The following PCDHGB3 variants were observed in gnomAD, a reference collection of about 807,000 sequenced individuals.
PCDHGB3 encodes the protein protocadherin gamma-B3.
In PCDHGB3, 40 loss-of-function variants were observed where a neutral mutation model predicts 59.2. That is an observed-to-expected ratio of 0.68 (90% CI 0.52 to 0.88). The LOEUF is 0.88. PCDHGB3 is among the 40% of genes least tolerant of loss of function. The pLI is 0.00. For synonymous variants in PCDHGB3, 581 were observed against 503.6 expected (o/e 1.15, Z -2.06); for missense variants, 1,309 against 1,187.9 (o/e 1.10, Z -1.50).
intron 2 of PCDHGB3, among the ~76,000 whole-genome samples, chr5:141,497,016 C>G (rs1384415729): frequency 6.6e-6 from 1 of 152,056 alleles, no homozygotes; most frequent in East Asian, 1.9e-4. Context: ...TGGTGAAACC[C>G]CATCTCGATT....
intron 1 of PCDHGB3, among the ~76,000 whole-genome samples, chr5:141,464,454 A>G (rs999305559): frequency 6.6e-6 from 1 of 151,542 alleles, no homozygotes; most frequent in Non-Finnish European, 1.5e-5. Context: ...TGTTGTTGTT[A>G]TTTTTGAAGT....
At chr5:141,395,264 A>G in intron 1 of PCDHGB3, 1 of 1,549,832 alleles carries the variant, frequency 6.5e-7, no homozygotes, top group Non-Finnish European at 8.7e-7. Flanking sequence ...GCTTGCTTTT[A>G]ATTTCCAGAT....
chr5:141,427,776 G>A (rs3828681), intron 1 of PCDHGB3: 73,622 of 1,424,156 alleles, frequency 0.052, 2,339 homozygotes, highest in African/African-American at 0.13. Flanking sequence ...GGAGCTGCGG[G>A]CACTGTCGTC....
Position 141,432,248 on chromosome 5 carries a change from C to T in PCDHGB3, c.2415+59439C>T. Reference sequence around the variant, plus strand: ...TTATTCCCTGGCTGAGAACACCATCCAAGGGGCAAGCCTATCGTCCTACGT... The same window carrying T: ...TTATTCCCTGGCTGAGAACACCATCTAAGGGGCAAGCCTATCGTCCTACGT... On this transcript the variant is annotated intron_variant, in intron 1 of 3. Transcript: ENST00000576222. This position sits in a 1 kb window ranked among gnomAD's most constrained non-coding sequence, Gnocchi z 6.0. 1.2e-6 allele frequency: 2 copies of T among 1,614,244 alleles called. No individual in the cohort carries two copies. Among genetic ancestry groups the T allele is most frequent in the South Asian group, 1.1e-5 (1 of 91,090 alleles).
chr5:141,374,696 G>T (rs747520978), intron 1 of PCDHGB3: 1 of 1,609,314 alleles, frequency 6.2e-7, no homozygotes, highest in South Asian at 1.1e-5. Context: ...CCGGGAAGGA[G>T]AAGCCGTTTA....
At chr5:141,380,998 A>G (rs1382906356) in intron 1 of PCDHGB3, among the ~76,000 whole-genome samples, 1 of 152,262 alleles carries the variant, frequency 6.6e-6, no homozygotes, top group East Asian at 1.9e-4. Context: ...CAGTTTACAG[A>G]ATTCATCTAT....
At chr5:141,415,966 C>A in intron 1 of PCDHGB3, 1 of 405,602 alleles carries the variant, frequency 2.5e-6, no homozygotes, top group East Asian at 5.2e-5. Context: ...AAACTCCAGC[C>A]CCTTAAGCAA....
chr5:141,472,494 C>T (rs561045783), intron 1 of PCDHGB3, among the ~76,000 whole-genome samples: 9 of 151,168 alleles, frequency 6.0e-5, no homozygotes, highest in South Asian at 2.1e-4. Context: ...GAGACGAGAT[C>T]GTGCCACTGC....
intron 1 of PCDHGB3, chr5:141,400,388 A>C: frequency 1.9e-6 from 3 of 1,614,066 alleles, no homozygotes; most frequent in Non-Finnish European, 2.5e-6. Context: ...TGTGTTGCAC[A>C]TACAGGAAAG....
At chr5:141,437,529 C>T (rs1205365959) in intron 1 of PCDHGB3, among the ~76,000 whole-genome samples, 1 of 152,102 alleles carries the variant, frequency 6.6e-6, no homozygotes, top group African/African-American at 2.4e-5. Flanking sequence ...GACAAATGAG[C>T]AAATTGTATC....
chr5:141,490,544 A>G lies in PCDHGB3; in HGVS notation c.2416-4263A>G. 6.2e-7 allele frequency: 1 copy of G among 1,614,120 alleles called. No individual in the cohort carries two copies. Among genetic ancestry groups the G allele is most frequent in the Non-Finnish European group, 8.5e-7 (1 of 1,180,028 alleles). ...AGCGATGCTGGTTCACCTTCCCTAC[A>G]CAAACATCTCACCATCAGGCTCAAC... On this transcript the variant is annotated intron_variant, in intron 1 of 3. Transcript: ENST00000576222. This position sits in a 1 kb window ranked among gnomAD's most constrained non-coding sequence, Gnocchi z 5.4.
intron 1 of PCDHGB3, chr5:141,423,660 G>T (rs765304048): frequency 1.3e-6 from 2 of 1,560,582 alleles, no homozygotes; most frequent in Non-Finnish European, 8.6e-7. Context: ...CAAGTAATCA[G>T]GTGAGATTTA....
chr5:141,382,783 C>A, intron 1 of PCDHGB3: 1 of 871,086 alleles, frequency 1.1e-6, no homozygotes. Flanking sequence ...TAAACTCAAG[C>A]CTCTATCCTG....
At chr5:141,380,434 T>A (rs919623948) in intron 1 of PCDHGB3, among the ~76,000 whole-genome samples, 38 of 152,208 alleles carry the variant, frequency 2.5e-4, no homozygotes, top group African/African-American at 8.7e-4. Flanking sequence ...AGACTTTACA[T>A]AGAATTCTTT....
Position 141,511,508 on chromosome 5 carries a change from C to T in PCDHGB3, c.*335C>T, listed in dbSNP as rs1339517659. 7.8e-6 allele frequency: 3 copies of T among 385,970 alleles called. No individual in the cohort carries two copies. Among genetic ancestry groups the T allele is most frequent in the Non-Finnish European group, 1.5e-5 (3 of 206,164 alleles). The allele number at this position is 385,970 out of a possible 1,614,324, so 23.9% of individuals were successfully genotyped here. Reference sequence around the variant, plus strand: ...TCCTCCATCTTCCAAATCAATCAGGCCCATCCATCCCATGCCTCCCTCCTC... The same window carrying T: ...TCCTCCATCTTCCAAATCAATCAGGTCCATCCATCCCATGCCTCCCTCCTC... On this transcript the variant is annotated 3_prime_UTR_variant, in exon 4 of 4. Coordinates refer to ENST00000576222, the MANE Select transcript of PCDHGB3 (RefSeq NM_018924.5).
intron 1 of PCDHGB3, chr5:141,423,829 A>G: frequency 7.9e-7 from 1 of 1,268,964 alleles, no homozygotes; most frequent in Non-Finnish European, 9.9e-7. Flanking sequence ...GCCTTTCATG[A>G]GATTACGATA....
At chr5:141,401,815 C>A (rs1217081146) in intron 1 of PCDHGB3, among the ~76,000 whole-genome samples, 1 of 152,184 alleles carries the variant, frequency 6.6e-6, no homozygotes, top group Non-Finnish European at 1.5e-5. Context: ...GGGTTCCTTA[C>A]AAAGTGCTGA....
chr5:141,447,558 G>T (rs551305232), intron 1 of PCDHGB3, among the ~76,000 whole-genome samples: 1 of 152,264 alleles, frequency 6.6e-6, no homozygotes, highest in African/African-American at 2.4e-5. Context: ...GAGTACACTT[G>T]GAGGATTCTA....
At chr5:141,391,974 C>T (rs2092450559) in intron 1 of PCDHGB3, 1 of 152,032 alleles carries the variant, frequency 6.6e-6, no homozygotes. Flanking sequence ...AATAAAATAG[C>T]AAAACAATGT....
Sources: allele counts gnomAD v4.1 joint callset (sites outside exome capture counted in the v4.1 genomes callset), GRCh38; gene constraint gnomAD v4.1.1; non-coding constraint Gnocchi (gnomAD v3.1); transcripts MANE v1.5; gene names NCBI Gene and HGNC (gene_info 2026-07-23, HGNC 2026-07-21).